The following UEVLD variants were observed in gnomAD, a reference collection of about 807,000 sequenced individuals.
The protein encoded by UEVLD is ubiquitin-conjugating enzyme E2 variant 3.
UEVLD carries 47 observed loss-of-function variants against 58.6 expected under a neutral mutation model. The ratio of observed to expected loss-of-function variants is 0.80; its 90% confidence interval spans 0.63 to 1.02. UEVLD has a LOEUF of 1.02. Among genes scored for constraint, UEVLD ranks in the 50% least tolerant of loss-of-function variants. The pLI, the probability that UEVLD is intolerant of heterozygous loss-of-function variation, is 0.00. For missense variants in UEVLD, 510 were observed against 550.6 expected (o/e 0.93, Z 0.74); for synonymous variants, 197 against 195.3 (o/e 1.01, Z -0.07).
At chr11:18,587,349 C>T (rs907261780) in intron 1 of UEVLD, among the ~76,000 whole-genome samples, 2 of 152,176 alleles carry the variant, frequency 1.3e-5, no homozygotes, top group Non-Finnish European at 2.9e-5. Context: ...GCACCTGTCG[C>T]AGTAGATAAA....
chr11:18,548,798 AT>A (rs895489297), intron 7 of UEVLD, among the ~76,000 whole-genome samples: 10 of 152,290 alleles, frequency 6.6e-5, no homozygotes, highest in African/African-American at 1.4e-4. Context: ...GCATTATCTA[AT>A]TTTACTTCCT....
chr11:18,570,493 C>T, intron 3 of UEVLD, 116 bp from the exon 4 acceptor site: 3 of 1,010,416 alleles, frequency 3.0e-6, no homozygotes, highest in Non-Finnish European at 4.1e-6. Flanking sequence ...AGCCTGTAAT[C>T]CCAGCACTTT....
chr11:18,575,932 G>T (rs921534045), intron 2 of UEVLD, among the ~76,000 whole-genome samples: 2 of 152,192 alleles, frequency 1.3e-5, no homozygotes, highest in African/African-American at 4.8e-5. Flanking sequence ...AAGCCAGAGT[G>T]ATCGACGGCC....
At chr11:18,546,809 G>A (rs1404908695) in intron 8 of UEVLD, 71 bp downstream of exon 8, 1 of 1,558,072 alleles carries the variant, frequency 6.4e-7, no homozygotes, top group Admixed American at 2.0e-5. Flanking sequence ...AAAGTTTTAT[G>A]GTTTTTATCA....
intron 3 of UEVLD, among the ~76,000 whole-genome samples, chr11:18,572,531 G>A (rs1456931031): frequency 1.3e-5 from 2 of 152,132 alleles, no homozygotes; most frequent in African/African-American, 2.4e-5. Flanking sequence ...AAGGCTGGGC[G>A]CGGTGGCTCA....
At chr11:18,579,299 C>CA (rs1853110214) in intron 1 of UEVLD, 1 of 237,114 alleles carries the variant, frequency 4.2e-6, no homozygotes, top group African/African-American at 2.3e-5. Flanking sequence ...TCTATAGGAG[C>CA]AGGAGAAGAA....
At chr11:18,546,781 G>A in intron 8 of UEVLD, 99 bp downstream of exon 8, 2 of 1,346,086 alleles carry the variant, frequency 1.5e-6, no homozygotes, top group Non-Finnish European at 2.0e-6. Flanking sequence ...ACTGGTGTGA[G>A]CCACTGTGCC....
rs552342236 is a variant in UEVLD, at chr11:18,584,843, G to C, written c.42+3770C>G. 3.9e-5 allele frequency among the ~76,000 whole-genome samples: 6 copies of C among 152,254 alleles called. No homozygotes were observed. The East Asian group carries it at 9.7e-4, about 24-fold the overall frequency. On this transcript the variant is annotated intron_variant, in intron 1 of 11. Coordinates refer to ENST00000396197, the MANE Select transcript of UEVLD (RefSeq NM_001040697.4). Reference sequence around the variant, plus strand: ...AGACAGGGTTTCACTATGTTGGCCAGGCTGGTCTTGAATTCCTGACCTCGT... The same window carrying C: ...AGACAGGGTTTCACTATGTTGGCCACGCTGGTCTTGAATTCCTGACCTCGT...
intron 9 of UEVLD, among the ~76,000 whole-genome samples, chr11:18,538,407 G>A (rs1850906198): frequency 6.6e-6 from 1 of 151,556 alleles, no homozygotes; most frequent in Non-Finnish European, 1.5e-5. Flanking sequence ...CTCCCAAGTA[G>A]CTGGGATTAC....
intron 1 of UEVLD, among the ~76,000 whole-genome samples, chr11:18,586,108 A>AT (rs1386132343): frequency 6.6e-6 from 1 of 152,132 alleles, no homozygotes; most frequent in Non-Finnish European, 1.5e-5. Context: ...ATTTAATTAG[A>AT]TTTTTTACTT....
intron 7 of UEVLD, among the ~76,000 whole-genome samples, chr11:18,551,264 T>C (rs1851514706): frequency 6.6e-6 from 1 of 151,772 alleles, no homozygotes; most frequent in Admixed American, 6.6e-5. Context: ...CTGTCTCTAC[T>C]AAAAAGAAAT....
chr11:18,555,039 C>T (rs1851699797), intron 7 of UEVLD, among the ~76,000 whole-genome samples: 1 of 152,072 alleles, frequency 6.6e-6, no homozygotes, highest in African/African-American at 2.4e-5. Flanking sequence ...CCTGTAATCC[C>T]AGCATTTTGG....
intron 3 of UEVLD, among the ~76,000 whole-genome samples, chr11:18,571,066 T>C (rs1453191015): frequency 6.6e-6 from 1 of 152,060 alleles, no homozygotes; most frequent in Admixed American, 6.6e-5. Context: ...GAAATGTCTA[T>C]TGAAGGCCGG....
At chr11:18,562,105 G>A (rs1445915661) in intron 6 of UEVLD, among the ~76,000 whole-genome samples, 1 of 151,694 alleles carries the variant, frequency 6.6e-6, no homozygotes, top group African/African-American at 2.4e-5. Context: ...TTTTTTTTGA[G>A]ACAGGGTCTC....
At chr11:18,582,405 CT>C (rs773719146) in intron 1 of UEVLD, among the ~76,000 whole-genome samples, 216 of 75,654 alleles carry the variant, frequency 2.9e-3, no homozygotes, top group Middle Eastern at 9.8e-3. Flanking sequence ...AAAATATTAG[CT>C]TTTTTTTTTT....
At chr11:18,584,327 A>G (rs947006647) in intron 1 of UEVLD, among the ~76,000 whole-genome samples, 2 of 152,116 alleles carry the variant, frequency 1.3e-5, no homozygotes, top group African/African-American at 4.8e-5. Context: ...AGGCTGCAGT[A>G]AGCTATGATG....
At chr11:18,580,271 C>T (rs1297478854) in intron 1 of UEVLD, among the ~76,000 whole-genome samples, 1 of 152,086 alleles carries the variant, frequency 6.6e-6, no homozygotes, top group Non-Finnish European at 1.5e-5. Flanking sequence ...AATGATGCAG[C>T]TGCTTTGGGA....
chr11:18,537,328 T>A (rs201080132), intron 9 of UEVLD, among the ~76,000 whole-genome samples: 10,437 of 57,994 alleles, frequency 0.18, 784 homozygotes, highest in African/African-American at 0.34. Context: ...ATATATATTT[T>A]TTTTTTTTTT....
chr11:18,575,464 C>T (rs1396006810), intron 2 of UEVLD, 52 bp from the exon 3 acceptor site: 21 of 1,555,222 alleles, frequency 1.4e-5, no homozygotes, highest in Non-Finnish European at 1.8e-5. Flanking sequence ...ACAGAAAGAA[C>T]TGTAGTAAAG....
Sources: gnomAD v4.1 joint callset for allele counts (sites outside exome capture counted in the v4.1 genomes callset) on GRCh38, gnomAD v4.1.1 for gene constraint, MANE v1.5 for transcripts, NCBI Gene and HGNC (gene_info 2026-07-23, HGNC 2026-07-21) for gene names.